CPSF6: variants seen among roughly 807,000 people sequenced by gnomAD.
The protein encoded by CPSF6 is cleavage and polyadenylation specificity factor subunit 6.
A neutral mutation model predicts 56.7 loss-of-function variants in CPSF6; 10 were observed. The ratio of observed to expected loss-of-function variants is 0.18; its 90% confidence interval spans 0.11 to 0.30. The LOEUF is 0.30. Ranked by LOEUF, CPSF6 falls within the 10% of genes least tolerant of loss-of-function variation. The probability of loss-of-function intolerance (pLI) is 1.00; values close to 1 mark genes in which losing one functional copy is unlikely to be tolerated. For synonymous variants in CPSF6, 248 were observed against 244.8 expected (o/e 1.01, Z -0.12); for missense variants, 419 against 722.9 (o/e 0.58, Z 4.82).
intron 9 of CPSF6, among the ~76,000 whole-genome samples, chr12:69,265,101 C>G (rs1242598569): frequency 6.6e-6 from 1 of 151,984 alleles, no homozygotes; most frequent in Non-Finnish European, 1.5e-5. Flanking sequence ...TGTGTTTGAA[C>G]TGTTGGTAAT....
chr12:69,255,390 G>A (rs940304180), intron 3 of CPSF6, among the ~76,000 whole-genome samples: 12 of 152,208 alleles, frequency 7.9e-5, no homozygotes, highest in African/African-American at 2.9e-4. Context: ...TCTGTTGGAT[G>A]TGTACCTAGG....
chr12:69,256,343 A>G (rs11837842), intron 3 of CPSF6, among the ~76,000 whole-genome samples: 9,853 of 152,326 alleles, frequency 0.065, 629 homozygotes, highest in East Asian at 0.29. Flanking sequence ...ACTGAATTAT[A>G]TATTTTGAAT....
chr12:69,255,034 C>T (rs950210086), intron 3 of CPSF6: 2 of 152,308 alleles, frequency 1.3e-5, no homozygotes, highest in African/African-American at 4.8e-5. Context: ...GAACCTTGTA[C>T]CTGGTTAGCA....
At chr12:69,243,606 A>G (rs1272636302) in intron 1 of CPSF6, among the ~76,000 whole-genome samples, 1 of 152,138 alleles carries the variant, frequency 6.6e-6, no homozygotes, top group Non-Finnish European at 1.5e-5. Flanking sequence ...CTAAACAGAA[A>G]AGGTAAGTGA....
intron 1 of CPSF6, among the ~76,000 whole-genome samples, chr12:69,240,316 C>T (rs1386814090): frequency 1.3e-5 from 2 of 152,230 alleles, no homozygotes; most frequent in Admixed American, 6.5e-5. Context: ...CGGCGTGGCG[C>T]CTTCCTCCTC....
At chr12:69,239,920 C>T (rs1184581495) in intron 1 of CPSF6, among the ~76,000 whole-genome samples, 1 of 149,386 alleles carries the variant, frequency 6.7e-6, no homozygotes, top group East Asian at 2.0e-4. Flanking sequence ...CGCCGCGGGG[C>T]CCGGAGCGCG....
chr12:69,239,722 G>C lies in CPSF6; in HGVS notation c.60+16G>C. Reference sequence around the variant, plus strand: ...GTTCAACCAGGTACGTGAGAGCCCAGGTCCCCGCCGCCGACGCGGGCGGCG... The same window carrying C: ...GTTCAACCAGGTACGTGAGAGCCCACGTCCCCGCCGCCGACGCGGGCGGCG... On this transcript the variant is annotated intron_variant, in intron 1 of 9. Transcript: ENST00000435070. The C allele has an allele frequency of 6.4e-7, 1 of 1,568,436 alleles. No individual in the cohort carries two copies. The highest frequency in any genetic ancestry group is 8.6e-7 in the Non-Finnish European group (1 of 1,158,048).
chr12:69,258,742 C>T lies in CPSF6; in HGVS notation c.847C>T (p.Pro283Ser), dbSNP rs1446936527. ...PPPPVLFPGQ[P>S]FGQPPLGPLP... ...ACCACCAGTTCTTTTTCCTGGACAACCTTTTGGGCAGCCTCCATTGGGTCC... is the reference window on the plus strand; with the variant it reads ...ACCACCAGTTCTTTTTCCTGGACAATCTTTTGGGCAGCCTCCATTGGGTCC... Residue 283 changes from proline to serine, a missense_variant, in exon 6 of 10, where the codon CCT becomes TCT. Around this residue, in one of 4 missense-constraint regions of CPSF6, gnomAD observed 211 missense variants for 296.0 expected, o/e 0.71. Transcript: ENST00000435070. This position sits in a 1 kb window ranked among gnomAD's most constrained non-coding sequence, Gnocchi z 4.2. 3.1e-6 allele frequency: 5 copies of T among 1,613,958 alleles called. No homozygotes were observed. Among genetic ancestry groups the T allele is most frequent in the Non-Finnish European group, 4.2e-6 (5 of 1,180,002 alleles).
At chr12:69,247,469 A>G (rs988540881) in intron 1 of CPSF6, among the ~76,000 whole-genome samples, 3 of 152,250 alleles carry the variant, frequency 2.0e-5, no homozygotes, top group Non-Finnish European at 2.9e-5. Flanking sequence ...AGATTGGGCA[A>G]CATTTGGTAT....
chr12:69,251,961 C>G (rs1382523222), intron 2 of CPSF6: 3 of 447,704 alleles, frequency 6.7e-6, no homozygotes, highest in African/African-American at 2.0e-5. Context: ...TGTATTTCTA[C>G]TTAGTTATAT....
rs1037292038 is a variant in CPSF6, at chr12:69,258,193, C to T, written c.694+288C>T. ...GCTTGACTTATATATAGAATATTTA[C>T]ATCCGTCTTACTTTCTTACCTCTTA... On this transcript the variant is annotated intron_variant, in intron 5 of 9. Coordinates refer to ENST00000435070, the MANE Select transcript of CPSF6 (RefSeq NM_007007.3). This position sits in a 1 kb window ranked among gnomAD's most constrained non-coding sequence, Gnocchi z 4.2. 7 of 1,030,650 alleles carry T rather than the reference C, an allele frequency of 6.8e-6. No homozygotes were observed. Among genetic ancestry groups the T allele is most frequent in the Admixed American group, 2.4e-5 (1 of 41,050 alleles). 63.8% of individuals were successfully genotyped at this position (1,030,650 alleles called of 1,614,324 possible). A position where few individuals can be genotyped will look rare whatever the true frequency, so the allele number is the denominator to read the frequency against.
Position 69,271,420 on chromosome 12 carries a change from A to G in CPSF6, c.*1912A>G, listed in dbSNP as rs751438757. ...GGGTTAAAAGGTAAGTAAAATGTCC[A>G]TGAAAATAAAATTTTCTTTGAACAG... On this transcript the variant is annotated 3_prime_UTR_variant, in exon 10 of 10. Transcript: ENST00000435070. The G allele has an allele frequency of 7.2e-5, 11 of 152,078 alleles. No individual in the cohort carries two copies. The highest frequency in any genetic ancestry group is 7.4e-5 in the Non-Finnish European group (5 of 67,704). 9.4% of individuals were successfully genotyped at this position (152,078 alleles called of 1,614,324 possible). A position where few individuals can be genotyped will look rare whatever the true frequency, so the allele number is the denominator to read the frequency against.
chr12:69,243,055 C>G (rs1316099407), intron 1 of CPSF6, among the ~76,000 whole-genome samples: 1 of 151,684 alleles, frequency 6.6e-6, no homozygotes, highest in African/African-American at 2.4e-5. Context: ...TGCAGTGAGC[C>G]AAGATCGGGC....
At chr12:69,243,635 T>TA in intron 1 of CPSF6, among the ~76,000 whole-genome samples, 1 of 152,236 alleles carries the variant, frequency 6.6e-6, no homozygotes, top group South Asian at 2.1e-4. Flanking sequence ...ATATAAAAGA[T>TA]AAAAAGTGGC....
chr12:69,261,672 A>G (rs1385925857), intron 8 of CPSF6, among the ~76,000 whole-genome samples: 1 of 152,152 alleles, frequency 6.6e-6, no homozygotes, highest in African/African-American at 2.4e-5. Context: ...CATAAATATT[A>G]TTTCGTAGAC....
At position 69,260,204 on chromosome 12, in the gene CPSF6, C is replaced by G. The variant is rs1872685582; in HGVS notation, c.1469+7C>G. The G allele has an allele frequency of 1.3e-6, 2 of 1,555,078 alleles. No individual in the cohort carries two copies. Among genetic ancestry groups the G allele is most frequent in the African/African-American group, 1.4e-5 (1 of 71,356 alleles). On this transcript the variant is annotated splice_region_variant and intron_variant, in intron 8 of 9. Transcript: ENST00000435070. ...CTTATGGTTCTGGATCAAGGTAAAA[C>G]TTTCCTGTCTCATTTCCATTTAAAA... is the stretch of plus-strand genomic sequence containing the variant.
chr12:69,257,636 AATAT>A, intron 4 of CPSF6, 92 bp from the exon 5 acceptor site: 1 of 1,152,710 alleles, frequency 8.7e-7, no homozygotes, highest in Non-Finnish European at 1.2e-6. Context: ...TTTGCAAGTT[AATAT>A]ATTAGAAATA....
Position 69,272,472 on chromosome 12 carries a change from T to C in CPSF6, c.*2964T>C, listed in dbSNP as rs1306283459. On this transcript the variant is annotated 3_prime_UTR_variant, in exon 10 of 10. Coordinates refer to ENST00000435070, the MANE Select transcript of CPSF6 (RefSeq NM_007007.3). ...TTTCTCTTTCCCTTATGTATTTAAC[T>C]GTGCCAATCTAAATACATACTGTTT... 2.6e-5 allele frequency: 4 copies of C among 151,762 alleles called. No individual in the cohort carries two copies. The highest frequency in any genetic ancestry group is 5.9e-5 in the Non-Finnish European group (4 of 67,668). 9.4% of individuals were successfully genotyped at this position (151,762 alleles called of 1,614,324 possible).
chr12:69,259,913 A>T, intron 7 of CPSF6, 131 bp from the exon 8 acceptor site: 1 of 885,112 alleles, frequency 1.1e-6, no homozygotes, highest in Non-Finnish European at 1.7e-6. Flanking sequence ...CTGAAAGAAG[A>T]CATTGTCTTG....
Sources: allele counts gnomAD v4.1 joint callset (sites outside exome capture counted in the v4.1 genomes callset), GRCh38; gene constraint gnomAD v4.1.1; regional missense constraint gnomAD v4.1.1; non-coding constraint Gnocchi (gnomAD v3.1); transcripts MANE v1.5; gene names NCBI Gene and HGNC (gene_info 2026-07-23, HGNC 2026-07-21).